Variants in SUMF1 observed in about 807,000 individuals in gnomAD.
SUMF1 encodes the protein formylglycine-generating enzyme.
In SUMF1, 48 loss-of-function variants were observed where a neutral mutation model predicts 47.6. The observed-to-expected ratio is 1.01, with a 90% confidence interval of 0.80 to 1.28. The LOEUF (loss-of-function observed/expected upper bound fraction) is 1.28, where lower values mean the gene tolerates loss of function less well. SUMF1 is among the 50% of genes most tolerant of loss of function. The pLI, the probability that SUMF1 is intolerant of heterozygous loss-of-function variation, is 0.00. For synonymous variants in SUMF1, 230 were observed against 192.1 expected (o/e 1.20, Z -1.63); for missense variants, 571 against 485.4 (o/e 1.18, Z -1.66).
chr3:4,134,001 G>A (rs898136683), intron 8 of SUMF1, among the ~76,000 whole-genome samples: 14 of 151,672 alleles, frequency 9.2e-5, no homozygotes, highest in African/African-American at 3.4e-4. Context: ...ACTAGAAGGG[G>A]CACACACAAT....
intron 8 of SUMF1, among the ~76,000 whole-genome samples, chr3:4,241,585 C>A (rs1696538367): frequency 6.6e-6 from 1 of 152,088 alleles, no homozygotes; most frequent in Non-Finnish European, 1.5e-5. Flanking sequence ...AAGTGCTAAA[C>A]AATGTATTTT....
rs142818725 is a variant in SUMF1, at chr3:4,272,306, C to A, written c.1014+104024G>T. Among the ~76,000 whole-genome samples the A allele has an allele frequency of 2.4e-4, 37 of 152,306 alleles. No individual in the cohort carries two copies. In the East Asian group the frequency reaches 4.6e-3, roughly 19 times the overall value. On this transcript the variant is annotated intron_variant and NMD_transcript_variant, in intron 8 of 12. Coordinates refer to the SUMF1 transcript ENST00000448413. Reference sequence around the variant, plus strand: ...ACTGGAGGAAAACGCAGAGGCTGGGCTGTAATGTGGTTCCAACAAGGGCTT... The same window carrying A: ...ACTGGAGGAAAACGCAGAGGCTGGGATGTAATGTGGTTCCAACAAGGGCTT...
chr3:4,085,920 A>G (rs918517228), intron 8 of SUMF1, among the ~76,000 whole-genome samples: 3 of 152,188 alleles, frequency 2.0e-5, no homozygotes, highest in African/African-American at 4.8e-5. Context: ...CTCAAAAAAA[A>G]AGAACAAATA....
At chr3:4,259,299 AAC>A (rs1697033877) in intron 8 of SUMF1, among the ~76,000 whole-genome samples, 1 of 152,166 alleles carries the variant, frequency 6.6e-6, no homozygotes, top group Non-Finnish European at 1.5e-5. Flanking sequence ...AATGGAAATA[AAC>A]AGTTTCTTTT....
At chr3:4,151,474 T>TGTGTATATATATAC (rs1559514249) in intron 8 of SUMF1, among the ~76,000 whole-genome samples, 129 of 145,806 alleles carry the variant, frequency 8.8e-4, no homozygotes, top group African/African-American at 3.2e-3. Context: ...TATGTATATA[T>TGTGTATATATATAC]GTATATATGT....
chr3:4,080,167 C>T (rs937705578), intron 8 of SUMF1, among the ~76,000 whole-genome samples: 2 of 152,092 alleles, frequency 1.3e-5, no homozygotes, highest in East Asian at 3.9e-4. Context: ...TCAGTGTTAA[C>T]TAATCACTCC....
chr3:4,379,419 C>A (rs537644581), intron 7 of SUMF1, among the ~76,000 whole-genome samples: 1 of 152,296 alleles, frequency 6.6e-6, no homozygotes, highest in Non-Finnish European at 1.5e-5. Flanking sequence ...AGTGAGGCGG[C>A]TACAAGCCAA....
rs376130042 is a variant in SUMF1 at position 4,292,022 on chromosome 3, C to T, written c.1014+84308G>A. On this transcript the variant is annotated intron_variant and NMD_transcript_variant, in intron 8 of 12. Transcript: ENST00000448413. ...TTGAGGATCAGCCAATAGCTTCATTCGCTCACTAAAAAGTACAACCAAAGA... is the reference window on the plus strand; with the variant it reads ...TTGAGGATCAGCCAATAGCTTCATTTGCTCACTAAAAAGTACAACCAAAGA... Among the ~76,000 whole-genome samples, 111 of 152,220 alleles carry T rather than the reference C, an allele frequency of 7.3e-4. 1 individual carries two copies. Among genetic ancestry groups the T allele is most frequent in the African/African-American group, 2.3e-3 (96 of 41,552 alleles).
intron 8 of SUMF1, among the ~76,000 whole-genome samples, chr3:4,262,155 C>G (rs184654179): frequency 2.0e-5 from 3 of 152,122 alleles, no homozygotes; most frequent in Admixed American, 6.6e-5. Context: ...AACTGCCCCT[C>G]CTTGTCATAA....
intron 8 of SUMF1, among the ~76,000 whole-genome samples, chr3:4,085,583 A>G (rs636955): frequency 0.23 from 35,625 of 152,052 alleles, 4,905 homozygotes; most frequent in Middle Eastern, 0.3. Flanking sequence ...AGTCAGTCTT[A>G]AAGTATTGAG....
At chr3:4,050,797 A>C (rs192897) in intron 9 of SUMF1, among the ~76,000 whole-genome samples, 1,866 of 149,796 alleles carry the variant, frequency 0.012, 42 homozygotes, top group African/African-American at 0.042. Flanking sequence ...AAGAAAAAGA[A>C]AAAGAAAAAT....
chr3:4,228,520 A>T (rs747856909), intron 8 of SUMF1, among the ~76,000 whole-genome samples: 2 of 152,178 alleles, frequency 1.3e-5, no homozygotes, highest in African/African-American at 4.8e-5. Flanking sequence ...TCTGACTAAT[A>T]GCAGCCACAT....
intron 8 of SUMF1, among the ~76,000 whole-genome samples, chr3:4,181,315 C>A (rs1035089569): frequency 6.6e-6 from 1 of 152,194 alleles, no homozygotes; most frequent in Admixed American, 6.5e-5. Flanking sequence ...CCCGGATGAA[C>A]CCTCTGCCAG....
In SUMF1 at chr3:4,429,894, G is replaced by C. The variant is rs185664789; in HGVS notation, c.520-9748C>G. Among the ~76,000 whole-genome samples the C allele has an allele frequency of 3.8e-4, 58 of 152,298 alleles. 1 individual carries two copies. In the East Asian group the frequency reaches 7.7e-3, roughly 20 times the overall value. ...CAGAACACTGCACCAGTGGCAAGGT[G>C]GTGACTGCTGATTCTCCTGCTGGTG... On this transcript the variant is annotated intron_variant, in intron 3 of 8. Transcript: ENST00000272902.
At chr3:4,139,568 A>AAGTGTGTG (rs1694025845) in intron 8 of SUMF1, among the ~76,000 whole-genome samples, 1 of 150,194 alleles carries the variant, frequency 6.7e-6, no homozygotes, top group African/African-American at 2.4e-5. Flanking sequence ...ATATATATGC[A>AAGTGTGTG]TGTGTGTGTG....
intron 8 of SUMF1, among the ~76,000 whole-genome samples, chr3:4,193,627 G>A (rs1407073410): frequency 2.0e-5 from 3 of 152,044 alleles, no homozygotes; most frequent in African/African-American, 7.2e-5. Context: ...GGAGGAGCAG[G>A]GGTACACAAA....
intron 3 of SUMF1, among the ~76,000 whole-genome samples, chr3:4,429,810 C>G (rs1702178614): frequency 6.6e-6 from 1 of 152,152 alleles, no homozygotes; most frequent in African/African-American, 2.4e-5. Flanking sequence ...AAATTCTGAA[C>G]ATTCTGCAGA....
In SUMF1 at chr3:4,141,220, T is replaced by C. The variant is rs145269971; in HGVS notation, c.1015-72475A>G. ...AATAAATGCAGCAGTGAGAGTACTG[T>C]GTTGACCTTTTATCTCATTTCCCTC... On this transcript the variant is annotated intron_variant and NMD_transcript_variant, in intron 8 of 12. Coordinates refer to the SUMF1 transcript ENST00000448413. Among the ~76,000 whole-genome samples, 175 of 152,302 alleles carry C rather than the reference T, an allele frequency of 1.1e-3. 3 individuals are homozygous for C. Among genetic ancestry groups the C allele is most frequent in the African/African-American group, 4.0e-3 (167 of 41,548 alleles).
intron 3 of SUMF1, among the ~76,000 whole-genome samples, chr3:4,431,619 G>C (rs947151592): frequency 5.3e-5 from 8 of 152,090 alleles, no homozygotes; most frequent in African/African-American, 1.9e-4. Context: ...CAAGAGCTTG[G>C]GACCCACTGA....
Sources: gnomAD v4.1 joint callset for allele counts (sites outside exome capture counted in the v4.1 genomes callset) on GRCh38, gnomAD v4.1.1 for gene constraint, MANE v1.5 for transcripts, NCBI Gene and HGNC (gene_info 2026-07-23, HGNC 2026-07-21) for gene names.